TLN2: variants seen among roughly 807,000 people sequenced by gnomAD.
The protein encoded by TLN2 is talin-2.
A neutral mutation model predicts 294.7 loss-of-function variants in TLN2; 118 were observed. The ratio of observed to expected loss-of-function variants is 0.40; its 90% confidence interval spans 0.34 to 0.47. The LOEUF is 0.47. TLN2 is among the 20% of genes least tolerant of loss of function. TLN2 has a pLI of 0.84. For missense variants in TLN2, 3,083 were observed against 3,282.2 expected (o/e 0.94, Z 1.48); for synonymous variants, 1,431 against 1,304.5 (o/e 1.10, Z -2.09).
At chr15:62,743,663 G>C (rs1222149031) in intron 32 of TLN2, among the ~76,000 whole-genome samples, 1 of 152,134 alleles carries the variant, frequency 6.6e-6, no homozygotes, top group African/African-American at 2.4e-5. Flanking sequence ...CCAGGGGCTG[G>C]TCAGGTGCCC....
intron 1 of TLN2, among the ~76,000 whole-genome samples, chr15:62,534,958 C>T (rs191389688): frequency 2.2e-4 from 34 of 152,330 alleles, no homozygotes; most frequent in African/African-American, 7.2e-4. Context: ...AAGTGGCATG[C>T]GACTTCCGGG....
chr15:62,624,732 C>T (rs2049128925), intron 3 of TLN2, among the ~76,000 whole-genome samples: 2 of 152,184 alleles, frequency 1.3e-5, no homozygotes, highest in Non-Finnish European at 2.9e-5. Flanking sequence ...GGGGTGTCTG[C>T]ATGTGTGTAC....
At chr15:62,477,229 G>A (rs908548835) in intron 1 of TLN2, among the ~76,000 whole-genome samples, 3 of 152,210 alleles carry the variant, frequency 2.0e-5, no homozygotes, top group Non-Finnish European at 4.4e-5. Flanking sequence ...TCCTAACTCA[G>A]TAGGTCTGGG....
chr15:62,741,408 C>T (rs752612922), intron 32 of TLN2, among the ~76,000 whole-genome samples: 6 of 152,146 alleles, frequency 3.9e-5, no homozygotes, highest in Non-Finnish European at 7.3e-5. Flanking sequence ...GTTTCTGCTC[C>T]AGGGCCACAA....
intron 54 of TLN2, among the ~76,000 whole-genome samples, chr15:62,821,076 A>G (rs550762192): frequency 6.6e-6 from 1 of 152,348 alleles, no homozygotes; most frequent in East Asian, 1.9e-4. Context: ...GGTAGCTGGT[A>G]TGTTTTTTCC....
At chr15:62,429,876 G>A (rs1333255876) in intron 1 of TLN2, among the ~76,000 whole-genome samples, 1 of 152,200 alleles carries the variant, frequency 6.6e-6, no homozygotes, top group African/African-American at 2.4e-5. Flanking sequence ...ATGTTTTCCT[G>A]AGAACTGTCG....
In TLN2 at chr15:62,762,363, T is replaced by C; in HGVS notation, c.4871T>C (p.Ile1624Thr). 1 of 1,614,198 alleles carries C rather than the reference T, an allele frequency of 6.2e-7. No homozygotes were observed. Among genetic ancestry groups the C allele is most frequent in the Non-Finnish European group, 8.5e-7 (1 of 1,180,034 alleles). Reference protein sequence around the residue: ...YLIRTARSLAINPKDPPTWSV... With the variant: ...YLIRTARSLATNPKDPPTWSV... ...ATTCGCACTGCACGCTCTCTGGCCA[T>C]CAACCCCAAAGACCCACCCACCTGG... Residue 1624 changes from isoleucine (I) to threonine (T), a missense_variant, in exon 39 of 59, where the codon ATC becomes ACC. Ile to Thr is a moderately conservative substitution (Grantham distance 89). Coordinates refer to ENST00000636159, the MANE Select transcript of TLN2 (RefSeq NM_015059.3).
At chr15:62,817,589 C>G (rs1301122814) in intron 52 of TLN2, among the ~76,000 whole-genome samples, 2 of 152,104 alleles carry the variant, frequency 1.3e-5, no homozygotes, top group African/African-American at 4.8e-5. Flanking sequence ...TGGTGTAACC[C>G]ATTGACTCCT....
chr15:62,839,694 C>G (rs907126383), intron 58 of TLN2, among the ~76,000 whole-genome samples: 11 of 152,188 alleles, frequency 7.2e-5, no homozygotes, highest in Non-Finnish European at 1.2e-4. Flanking sequence ...GTTATTCATT[C>G]CCCATGTCTG....
intron 26 of TLN2, among the ~76,000 whole-genome samples, chr15:62,723,857 T>G (rs1305078759): frequency 6.6e-6 from 1 of 151,798 alleles, no homozygotes; most frequent in East Asian, 2.0e-4. Context: ...GCAATATTTT[T>G]TAATATGCAG....
intron 1 of TLN2, among the ~76,000 whole-genome samples, chr15:62,522,715 CTTG>C (rs1390326575): frequency 3.3e-5 from 5 of 152,098 alleles, no homozygotes; most frequent in Non-Finnish European, 5.9e-5. Context: ...TCTGCCTTTT[CTTG>C]TTGTATTTTT....
At chr15:62,724,235 G>T (rs184056050) in intron 26 of TLN2, among the ~76,000 whole-genome samples, 111 of 152,266 alleles carry the variant, frequency 7.3e-4, no homozygotes, top group African/African-American at 2.6e-3. Context: ...TAACCTCTCT[G>T]TGCCTCAGTT....
At chr15:62,562,369 C>G (rs916454720) in intron 1 of TLN2, among the ~76,000 whole-genome samples, 4 of 152,102 alleles carry the variant, frequency 2.6e-5, no homozygotes, top group African/African-American at 4.8e-5. Flanking sequence ...GGTTGTGGCC[C>G]TCGTCCTTCA....
chr15:62,470,875 A>G (rs956535740), intron 1 of TLN2, among the ~76,000 whole-genome samples: 12 of 152,370 alleles, frequency 7.9e-5, no homozygotes, highest in African/African-American at 2.2e-4. Context: ...TTCATATTTC[A>G]TTAGTCATAG....
chr15:62,398,978 T>C (rs2032786590), intron 1 of TLN2, among the ~76,000 whole-genome samples: 2 of 151,952 alleles, frequency 1.3e-5, no homozygotes, highest in South Asian at 4.2e-4. Context: ...GTGGGCTGGG[T>C]CCAGGGCCCC....
intron 42 of TLN2, among the ~76,000 whole-genome samples, chr15:62,773,148 G>A (rs1051926599): frequency 1.3e-5 from 2 of 151,016 alleles, no homozygotes; most frequent in African/African-American, 4.9e-5. Flanking sequence ...ATGGGGTCTC[G>A]CCATGTTGCC....
chr15:62,670,125 G>A (rs1283690782), intron 9 of TLN2, among the ~76,000 whole-genome samples: 1 of 152,166 alleles, frequency 6.6e-6, no homozygotes, highest in Non-Finnish European at 1.5e-5. Flanking sequence ...TATTCTTCTA[G>A]TGACAGCCAT....
chr15:62,524,897 C>T (rs966017541), intron 1 of TLN2, among the ~76,000 whole-genome samples: 1 of 152,126 alleles, frequency 6.6e-6, no homozygotes, highest in African/African-American at 2.4e-5. Flanking sequence ...AAGTTGGAAA[C>T]GATTTTCCTT....
At chr15:62,491,349 T>G (rs55978217) in intron 1 of TLN2, among the ~76,000 whole-genome samples, 1 of 84,588 alleles carries the variant, frequency 1.2e-5, no homozygotes, top group African/African-American at 6.1e-5. Flanking sequence ...TATATATATA[T>G]ATACACACAC....
Sources: allele counts gnomAD v4.1 joint callset (sites outside exome capture counted in the v4.1 genomes callset), GRCh38; gene constraint gnomAD v4.1.1; transcripts MANE v1.5; gene names NCBI Gene and HGNC (gene_info 2026-07-23, HGNC 2026-07-21).